WLS: variants seen among roughly 807,000 people sequenced by gnomAD.
WLS encodes the protein protein wntless homolog.
Under a neutral mutation model 62.8 loss-of-function variants are expected in WLS, and 23 were observed. The observed-to-expected ratio is 0.37, with a 90% CI of 0.26 to 0.52. The LOEUF is 0.52. Ranked by LOEUF, WLS falls within the 20% of genes least tolerant of loss-of-function variation. The pLI, the probability that WLS is intolerant of heterozygous loss-of-function variation, is 0.92. For synonymous variants in WLS, 246 were observed against 244.1 expected, an observed-to-expected ratio of 1.01 and a Z score of -0.07; for missense variants, 615 against 697.3, an observed-to-expected ratio of 0.88 and a Z score of 1.33.
At chr1:68,180,836 C>A (rs1647524951) in intron 2 of WLS, among the ~76,000 whole-genome samples, 1 of 152,168 alleles carries the variant, frequency 6.6e-6, no homozygotes, top group Non-Finnish European at 1.5e-5. Flanking sequence ...GATAGATTCA[C>A]TATGCAATTA....
At chr1:68,152,338 C>A (rs749726409) in intron 5 of WLS, among the ~76,000 whole-genome samples, 3 of 152,122 alleles carry the variant, frequency 2.0e-5, no homozygotes, top group Non-Finnish European at 4.4e-5. Context: ...GTGAAATCAA[C>A]CCCCCTAGGG....
At chr1:68,215,755 T>C (rs1360004364) in intron 1 of WLS, among the ~76,000 whole-genome samples, 4 of 152,212 alleles carry the variant, frequency 2.6e-5, no homozygotes, top group Middle Eastern at 3.2e-3. Flanking sequence ...AAAATAACCT[T>C]TCAATGCATG....
intron 2 of WLS, among the ~76,000 whole-genome samples, chr1:68,190,258 T>C (rs530237254): frequency 6.6e-6 from 1 of 152,258 alleles, no homozygotes; most frequent in Admixed American, 6.5e-5. Context: ...TACCCCCTAA[T>C]CTAGATATAA....
At chr1:68,159,400 T>C (rs959826282) in intron 2 of WLS, among the ~76,000 whole-genome samples, 153 bp from the exon 3 acceptor site, 10 of 151,982 alleles carry the variant, frequency 6.6e-5, no homozygotes, top group African/African-American at 2.2e-4. Context: ...GACTTAGAAG[T>C]CATAGGATGA....
chr1:68,156,065 C>A (rs994843739), intron 3 of WLS, among the ~76,000 whole-genome samples: 3 of 152,160 alleles, frequency 2.0e-5, no homozygotes, highest in Non-Finnish European at 4.4e-5. Context: ...TAGGGAGACA[C>A]CTTTTTTTTG....
intron 11 of WLS, among the ~76,000 whole-genome samples, chr1:68,130,822 G>A (rs1275591565): frequency 3.3e-5 from 5 of 151,546 alleles, no homozygotes; most frequent in South Asian, 2.1e-4. Context: ...ACCAGCCTGG[G>A]CAACATAGAA....
intron 2 of WLS, chr1:68,186,548 T>A (rs1647951644): frequency 2.2e-6 from 1 of 451,468 alleles, no homozygotes; most frequent in Non-Finnish European, 4.4e-6. Flanking sequence ...ACATATGAAG[T>A]AATATTGTTA....
rs533352474 is a variant in WLS, at chr1:68,230,788, T to C, written c.106+1406A>G. On this transcript the variant is annotated intron_variant, in intron 1 of 11. Coordinates refer to ENST00000262348, the MANE Select transcript of WLS (RefSeq NM_024911.7). ...TGATGAAGCTTCACCCACTCTCCTT[T>C]GTTTAAGACAATTGGCTTGGATGTT... Among the ~76,000 whole-genome samples the C allele has an allele frequency of 1.2e-3, 184 of 152,312 alleles. 1 individual carries two copies. The Middle Eastern group carries it at 0.027, about 23-fold the overall frequency.
At chr1:68,130,912 T>TTTTTTTTC (rs1553125838) in intron 11 of WLS, among the ~76,000 whole-genome samples, 1 of 135,116 alleles carries the variant, frequency 7.4e-6, no homozygotes, top group African/African-American at 2.8e-5. Flanking sequence ...TTTTTTTTTT[T>TTTTTTTTC]AGATGGAGTC....
At position 68,194,185 on chromosome 1, in the gene WLS, C is replaced by A; in HGVS notation, c.149G>T (p.Cys50Phe). Residue 50 changes from cysteine (C) to phenylalanine (F), a missense_variant, in exon 2 of 12, where the codon TGT (cysteine) becomes TTT (phenylalanine). By Grantham distance (205) the Cys-to-Phe change is radical (BLOSUM62 -2). Coordinates refer to ENST00000262348, the MANE Select transcript of WLS (RefSeq NM_024911.7). The part of the protein sequence containing the change: ...TTAVSYMSVK[C>F]VDARKNHHKT... Reference sequence around the variant, plus strand: ...GTGATGGTTCTTACGGGCATCCACACATTTCACCGACATGTAGGACACTGC... The same window carrying A: ...GTGATGGTTCTTACGGGCATCCACAAATTTCACCGACATGTAGGACACTGC... 2 of 1,614,226 alleles carry A rather than the reference C, an allele frequency of 1.2e-6. No homozygotes were observed.
Position 68,114,266 on chromosome 1 carries a change from C to T in WLS, c.1511-15513G>A, listed in dbSNP as rs189636775. On this transcript the variant is annotated intron_variant, in intron 11 of 11. Coordinates refer to the WLS transcript ENST00000354777. Reference sequence around the variant, plus strand: ...AAAGATAGAGGGACTCGGAGACTGCCAGCTACTGGTTAACTTGTGGCATAA... The same window carrying T: ...AAAGATAGAGGGACTCGGAGACTGCTAGCTACTGGTTAACTTGTGGCATAA... Among the ~76,000 whole-genome samples the T allele has an allele frequency of 1.7e-3, 259 of 152,248 alleles. 6 individuals carry two copies. The highest frequency in any genetic ancestry group is 0.016 in the Admixed American group (245 of 15,292).
intron 1 of WLS, among the ~76,000 whole-genome samples, chr1:68,210,900 A>C (rs115352796): frequency 9.2e-4 from 140 of 152,288 alleles, no homozygotes; most frequent in African/African-American, 3.2e-3. Flanking sequence ...AAAACCAAAA[A>C]CAAAACAAAC....
intron 1 of WLS, among the ~76,000 whole-genome samples, chr1:68,209,644 G>T (rs1649429617): frequency 6.6e-6 from 1 of 152,142 alleles, no homozygotes; most frequent in Non-Finnish European, 1.5e-5. Context: ...GCTGGGTGTG[G>T]TGGCGCATGC....
chr1:68,222,014 C>T (rs10493438), intron 1 of WLS, among the ~76,000 whole-genome samples: 23,474 of 152,028 alleles, frequency 0.15, 2,239 homozygotes, highest in East Asian at 0.42. Flanking sequence ...TATGTAAATT[C>T]GACCAAAATA....
At chr1:68,212,587 C>T (rs1273381790) in intron 1 of WLS, among the ~76,000 whole-genome samples, 1 of 152,060 alleles carries the variant, frequency 6.6e-6, no homozygotes, top group Non-Finnish European at 1.5e-5. Context: ...TAATACATTG[C>T]CTGGTACATA....
chr1:68,222,299 G>T (rs1649974076), intron 1 of WLS, among the ~76,000 whole-genome samples: 1 of 152,256 alleles, frequency 6.6e-6, no homozygotes, highest in East Asian at 1.9e-4. Flanking sequence ...AAGCAAGGAA[G>T]GAATTTAGTT....
intron 1 of WLS, among the ~76,000 whole-genome samples, chr1:68,203,713 T>C (rs1358726835): frequency 1.3e-5 from 2 of 152,226 alleles, no homozygotes; most frequent in Non-Finnish European, 2.9e-5. Context: ...TGGAAGTCTA[T>C]GACAGCACTT....
At chr1:68,162,687 C>A (rs796079892) in intron 2 of WLS, 1 of 1,230,792 alleles carries the variant, frequency 8.1e-7, no homozygotes, top group Non-Finnish European at 1.2e-6. Flanking sequence ...TGGTAGAGTC[C>A]GGTGTCTCTT....
At chr1:68,137,496 T>G (rs539853088) in intron 11 of WLS, among the ~76,000 whole-genome samples, 75 of 152,288 alleles carry the variant, frequency 4.9e-4, no homozygotes, top group Middle Eastern at 3.4e-3. Flanking sequence ...AAGAAGAAAA[T>G]TTGACTCTTG....
Sources: gnomAD v4.1 joint callset for allele counts (sites outside exome capture counted in the v4.1 genomes callset) on GRCh38, gnomAD v4.1.1 for gene constraint, MANE v1.5 for transcripts, NCBI Gene and HGNC (gene_info 2026-07-23, HGNC 2026-07-21) for gene names.